Variants in TBC1D16 observed in about 807,000 individuals in gnomAD.
The protein encoded by TBC1D16 is TBC1 domain family member 16, also known as CTD-2529O21.1.
TBC1D16 carries 58 observed loss-of-function variants against 74.7 expected under a neutral mutation model. That is an observed-to-expected ratio of 0.78 (90% confidence interval 0.63 to 0.97). The LOEUF is 0.97. Among genes scored for constraint, TBC1D16 ranks in the 50% least tolerant of loss-of-function variants. The pLI is 0.00. For synonymous variants in TBC1D16, 493 were observed against 474.7 expected (o/e 1.04, Z -0.50); for missense variants, 1,014 against 1,079.5 (o/e 0.94, Z 0.85).
rs538761182 is a variant in TBC1D16 at position 79,963,005 on chromosome 17, G to A, written c.780-10187C>T. Among the ~76,000 whole-genome samples, 78 of 150,372 alleles carry A rather than the reference G, an allele frequency of 5.2e-4. 3 individuals carry two copies. The South Asian group carries it at 0.012, about 23-fold the overall frequency. ...GCAGAGGTTGCAGTGAGCCGAGATC[G>A]CGCCATTGCACTCCAGCCTGGGCAA... is the stretch of plus-strand genomic sequence containing the variant. On this transcript the variant is annotated intron_variant, in intron 3 of 11. Coordinates refer to ENST00000310924, the MANE Select transcript of TBC1D16 (RefSeq NM_019020.4).
rs1003790803 is a variant in TBC1D16 at position 79,975,336 on chromosome 17, C to T, written c.780-22518G>A. On this transcript the variant is annotated intron_variant, in intron 3 of 11. Transcript: ENST00000310924. This position sits in a 1 kb window ranked among gnomAD's most constrained non-coding sequence, Gnocchi z 4.5. Reference sequence around the variant, plus strand: ...AGCTTTGTACAGCCTGAGCTCTGGCCGACTGGAATTTCTGCCAGGTCCTAT... The same window carrying T: ...AGCTTTGTACAGCCTGAGCTCTGGCTGACTGGAATTTCTGCCAGGTCCTAT... 3.9e-5 allele frequency among the ~76,000 whole-genome samples: 6 copies of T among 152,198 alleles called. No homozygotes were observed. Among genetic ancestry groups the T allele is most frequent in the African/African-American group, 7.2e-5 (3 of 41,428 alleles).
rs578007099 is a variant in TBC1D16, at chr17:80,002,280, C to T, written c.779+7880G>A. ...AGGAGGACAGGGGCCATTACACCAACGATGAACGATAACGCCGTTAATAAT... is the reference window on the plus strand; with the variant it reads ...AGGAGGACAGGGGCCATTACACCAATGATGAACGATAACGCCGTTAATAAT... On this transcript the variant is annotated intron_variant, in intron 3 of 11. Transcript: ENST00000310924. 1.6e-3 allele frequency among the ~76,000 whole-genome samples: 246 copies of T among 152,318 alleles called. 1 individual carries two copies. The highest frequency in any genetic ancestry group is 1.7e-3 in the Non-Finnish European group (113 of 68,026).
In TBC1D16 at chr17:79,952,669, C is replaced by T. The variant is rs757938163; in HGVS notation, c.929G>A (p.Arg310His). The stretch of plus-strand genomic sequence containing the variant: ...AGATGCTTCCTACCTGAAGAAAAGG[C>T]GGAGGGAGCGCATGTGGCCCAGGTC... Reference protein sequence around the residue: ...RVDLGHMRSLRLFFSDEACTS... With the variant: ...RVDLGHMRSLHLFFSDEACTS... The change falls in exon 4 of 12, where the codon CGC (arginine) becomes CAC (histidine). Residue 310 changes from arginine (R) to histidine (H), a missense_variant. By Grantham distance (29) the Arg-to-His change is conservative. Coordinates refer to ENST00000310924, the MANE Select transcript of TBC1D16 (RefSeq NM_019020.4). 2.9e-5 allele frequency: 47 copies of T among 1,596,938 alleles called. No homozygotes were observed. The highest frequency in any genetic ancestry group is 1.8e-4 in the South Asian group (16 of 90,230).
chr17:80,006,248 C>T (rs1302091450), intron 3 of TBC1D16, among the ~76,000 whole-genome samples: 1 of 151,990 alleles, frequency 6.6e-6, no homozygotes, highest in Non-Finnish European at 1.5e-5. Context: ...CTCTCTCTCT[C>T]AGCCCCTTCA....
In TBC1D16 at chr17:79,975,925, A is replaced by G. The variant is rs1023648051; in HGVS notation, c.780-23107T>C. On this transcript the variant is annotated intron_variant, in intron 3 of 11. Transcript: ENST00000310924. The surrounding 1 kb of genome is among the most constrained non-coding windows in gnomAD (Gnocchi z 4.5). Reference sequence around the variant, plus strand: ...GCTCTCCAGGCCACGAGATGGGCACAGACCTTCCTGCACCCTCACAGCTTC... The same window carrying G: ...GCTCTCCAGGCCACGAGATGGGCACGGACCTTCCTGCACCCTCACAGCTTC... Among the ~76,000 whole-genome samples the G allele has an allele frequency of 6.6e-6, 1 of 152,164 alleles. No individual in the cohort carries two copies. The highest frequency in any genetic ancestry group is 2.4e-5 in the African/African-American group (1 of 41,452).
intron 3 of TBC1D16, among the ~76,000 whole-genome samples, chr17:80,006,931 G>A (rs1424490771): frequency 1.3e-5 from 2 of 152,146 alleles, no homozygotes; most frequent in Non-Finnish European, 2.9e-5. Flanking sequence ...AAAGTGCTGG[G>A]ATTACAGGCG....
intron 1 of TBC1D16, among the ~76,000 whole-genome samples, chr17:80,030,429 G>T (rs2036735838): frequency 1.3e-5 from 2 of 152,156 alleles, no homozygotes. Context: ...TCATGACCAG[G>T]ACCTGCCCGT....
Position 79,940,579 on chromosome 17 carries a change from A to T in TBC1D16, c.*280T>A. 1 of 324,822 alleles carries T rather than the reference A, an allele frequency of 3.1e-6. No individual in the cohort carries two copies. Among genetic ancestry groups the T allele is most frequent in the Non-Finnish European group, 5.6e-6 (1 of 178,640 alleles). The allele number at this position is 324,822 out of a possible 1,614,324, so 20.1% of individuals were successfully genotyped here. ...GTTGAAATCCTCCAGGGCAGCCAGC[A>T]GGAGAGCCCAGCCAGCCTGCGTCTC... is the stretch of plus-strand genomic sequence containing the variant. On this transcript the variant is annotated 3_prime_UTR_variant, in exon 12 of 12. Transcript: ENST00000310924. This position sits in a 1 kb window ranked among gnomAD's most constrained non-coding sequence, Gnocchi z 5.4.
At chr17:80,025,389 G>A (rs1179170753) in intron 1 of TBC1D16, among the ~76,000 whole-genome samples, 2 of 150,044 alleles carry the variant, frequency 1.3e-5, no homozygotes, top group African/African-American at 5.1e-5. Context: ...ATGCTGGTCT[G>A]TCTTGGGTCC....
At position 79,990,380 on chromosome 17, in the gene TBC1D16, G is replaced by A. The variant is rs1869367311; in HGVS notation, c.779+19780C>T. Among the ~76,000 whole-genome samples, 1 of 152,220 alleles carries A rather than the reference G, an allele frequency of 6.6e-6. No homozygotes were observed. Among genetic ancestry groups the A allele is most frequent in the Non-Finnish European group, 1.5e-5 (1 of 68,034 alleles). On this transcript the variant is annotated intron_variant, in intron 3 of 11. Transcript: ENST00000310924. The surrounding 1 kb of genome is among the most constrained non-coding windows in gnomAD (Gnocchi z 4.8). ...ATGAGAGCCTCCTGTTGCAGCCCGG[G>A]CAGAGGTGAGCCTGGGCAGCCACCT...
chr17:79,977,547 A>C (rs1220324329), intron 3 of TBC1D16, among the ~76,000 whole-genome samples: 1 of 152,220 alleles, frequency 6.6e-6, no homozygotes, highest in Non-Finnish European at 1.5e-5. Context: ...GGGGTGACGG[A>C]GGAGAGAGAG....
At chr17:79,947,576 C>A in intron 9 of TBC1D16, 69 bp downstream of exon 9, 11 of 1,557,468 alleles carry the variant, frequency 7.1e-6, no homozygotes, top group Non-Finnish European at 8.8e-6. Flanking sequence ...ACGGCAACCC[C>A]GGCTACAACG....
chr17:80,013,110 G>T (rs927765305), intron 2 of TBC1D16, among the ~76,000 whole-genome samples: 96 of 152,374 alleles, frequency 6.3e-4, no homozygotes, highest in African/African-American at 2.3e-3. Flanking sequence ...AAGGGGCCAG[G>T]CAGGCCTGAG....
In TBC1D16 at chr17:79,951,581, T is replaced by C; in HGVS notation, c.958A>G (p.Ser320Gly). The C allele has an allele frequency of 1.2e-6, 2 of 1,613,556 alleles. No homozygotes were observed. Among genetic ancestry groups the C allele is most frequent in the Non-Finnish European group, 1.7e-6 (2 of 1,179,796 alleles). ...RLFFSDEACT[S>G]GQLVVASRES... ...CGGCTGGCAACGACCAGCTGGCCGC[T>C]GGTGCAGGCCTCGTCGCTGAAGGGC... The change falls in exon 5 of 12, where the codon AGC becomes GGC. Residue 320 changes from serine to glycine, a missense_variant. By Grantham distance (56) the Ser-to-Gly change is moderately conservative. Transcript: ENST00000310924.
rs1004161684 is a variant in TBC1D16, at chr17:79,940,925, G to A, written c.2238C>T (p.Pro746=). The A allele has an allele frequency of 8.2e-6, 13 of 1,593,500 alleles. No individual in the cohort carries two copies. Among genetic ancestry groups the A allele is most frequent in the African/African-American group, 8.1e-5 (6 of 74,466 alleles). Residue 746 remains proline, a synonymous_variant, in exon 12 of 12, where the codon CCC becomes CCT. Coordinates refer to ENST00000310924, the MANE Select transcript of TBC1D16 (RefSeq NM_019020.4). The surrounding 1 kb of genome is among the most constrained non-coding windows in gnomAD (Gnocchi z 5.4). ...PYGGTVEMPS[P]KSLREGKKGP... is the part of the protein sequence containing the mutation. ...CCTTCTTGCCTTCCCTCAGGGACTT[G>A]GGGGAAGGCATCTCCACCGTGCCCC...
chr17:79,966,725 A>G (rs141440778), intron 3 of TBC1D16, among the ~76,000 whole-genome samples: 12 of 152,348 alleles, frequency 7.9e-5, no homozygotes, highest in African/African-American at 2.9e-4. Context: ...TATAAAAGTC[A>G]TTTGTTGATA....
At chr17:79,963,977 T>A (rs2033732712) in intron 3 of TBC1D16, among the ~76,000 whole-genome samples, 1 of 150,284 alleles carries the variant, frequency 6.7e-6, no homozygotes, top group African/African-American at 2.4e-5. Flanking sequence ...TTTGTGTGTG[T>A]CTGTTTGTTT....
In TBC1D16 at chr17:79,938,353, G is replaced by A. The variant is rs1489389004; in HGVS notation, c.*2506C>T. ...GAGGTGCGAGCAGTGCACGGTGGGGGTGGCACTTGGTGCAGAGATGCAGCT... is the reference window on the plus strand; with the variant it reads ...GAGGTGCGAGCAGTGCACGGTGGGGATGGCACTTGGTGCAGAGATGCAGCT... On this transcript the variant is annotated 3_prime_UTR_variant, in exon 12 of 12. Coordinates refer to ENST00000310924, the MANE Select transcript of TBC1D16 (RefSeq NM_019020.4). 9 of 152,612 alleles carry A rather than the reference G, an allele frequency of 5.9e-5. No homozygotes were observed. The highest frequency in any genetic ancestry group is 5.9e-4 in the Admixed American group (9 of 15,294). 9.5% of individuals were successfully genotyped at this position (152,612 alleles called of 1,614,324 possible). A position where few individuals can be genotyped will look rare whatever the true frequency, so the allele number is the denominator to read the frequency against.
In TBC1D16 at chr17:80,010,043, G is replaced by T; in HGVS notation, c.779+117C>A. 2.2e-6 allele frequency: 2 copies of T among 898,902 alleles called. No individual in the cohort carries two copies. Among genetic ancestry groups the T allele is most frequent in the Non-Finnish European group, 3.3e-6 (2 of 602,912 alleles). The allele number at this position is 898,902 out of a possible 1,614,324, so 55.7% of individuals were successfully genotyped here. A position where few individuals can be genotyped will look rare whatever the true frequency, so the allele number is the denominator to read the frequency against. On this transcript the variant is annotated intron_variant, in intron 3 of 11. Coordinates refer to ENST00000310924, the MANE Select transcript of TBC1D16 (RefSeq NM_019020.4). The surrounding 1 kb of genome is among the most constrained non-coding windows in gnomAD (Gnocchi z 8.8). The stretch of plus-strand genomic sequence containing the variant: ...CAGCCACGGCCACAGCCGCGGGCAG[G>T]TCGGGCAGATGCCTCCAGCGCTCAC...
Sources: allele counts gnomAD v4.1 joint callset (sites outside exome capture counted in the v4.1 genomes callset), GRCh38; gene constraint gnomAD v4.1.1; non-coding constraint Gnocchi (gnomAD v3.1); transcripts MANE v1.5; gene names NCBI Gene and HGNC (gene_info 2026-07-23, HGNC 2026-07-21).